POU6F2: variants seen among roughly 807,000 people sequenced by gnomAD.
POU6F2 encodes the protein POU domain, class 6, transcription factor 2.
A neutral mutation model predicts 71.3 loss-of-function variants in POU6F2; 31 were observed. The observed-to-expected ratio is 0.43, with a 90% CI of 0.33 to 0.59. The LOEUF is 0.59. POU6F2 is among the 20% of genes least tolerant of loss of function. POU6F2 has a pLI of 0.04. For synonymous variants in POU6F2, 347 were observed against 355.7 expected, an observed-to-expected ratio of 0.98 and a Z score of 0.27; for missense variants, 783 against 856.8, an observed-to-expected ratio of 0.91 and a Z score of 1.07.
chr7:39,040,847 C>G (rs1187211235), intron 1 of POU6F2, among the ~76,000 whole-genome samples: 1 of 151,858 alleles, frequency 6.6e-6, no homozygotes, highest in African/African-American at 2.4e-5. Flanking sequence ...TTTCTGTTTA[C>G]CCTTCCTGAC....
In POU6F2 at chr7:39,416,704, A is replaced by G. The variant is rs188923007; in HGVS notation, c.1113+9964A>G. Among the ~76,000 whole-genome samples the G allele has an allele frequency of 3.9e-5, 6 of 152,338 alleles. No homozygotes were observed. In the East Asian group the frequency reaches 1.2e-3, roughly 29 times the overall value. On this transcript the variant is annotated intron_variant, in intron 6 of 9. Transcript: ENST00000518318. Reference sequence around the variant, plus strand: ...GAGTCTAAGACACCACTGATTTTAAATTACACTTAAAGTCATACCAGTGAT... The same window carrying G: ...GAGTCTAAGACACCACTGATTTTAAGTTACACTTAAAGTCATACCAGTGAT...
intron 5 of POU6F2, chr7:39,373,460 T>C (rs1181633415): frequency 2.2e-6 from 1 of 456,678 alleles, no homozygotes; most frequent in Admixed American, 2.3e-5. Context: ...ATCATAAATG[T>C]TTCTTTTGCT....
intron 5 of POU6F2, among the ~76,000 whole-genome samples, chr7:39,385,652 A>G (rs995018560): frequency 1.3e-5 from 2 of 152,214 alleles, no homozygotes; most frequent in Non-Finnish European, 2.9e-5. Flanking sequence ...CTTGAGGCTT[A>G]GAGAGGCTTG....
intron 4 of POU6F2, among the ~76,000 whole-genome samples, chr7:39,310,468 T>A (rs1785141497): frequency 6.6e-6 from 1 of 152,184 alleles, no homozygotes; most frequent in Non-Finnish European, 1.5e-5. Context: ...AGACCCTCAT[T>A]TTCCCAACCA....
chr7:39,122,867 C>T (rs570335012), intron 2 of POU6F2, among the ~76,000 whole-genome samples: 1 of 151,930 alleles, frequency 6.6e-6, no homozygotes, highest in South Asian at 2.1e-4. Context: ...GCCACCATGC[C>T]CAGCTAATTT....
At chr7:39,081,783 A>G (rs1292486337) in intron 1 of POU6F2, among the ~76,000 whole-genome samples, 1 of 152,230 alleles carries the variant, frequency 6.6e-6, no homozygotes, top group African/African-American at 2.4e-5. Context: ...CACCCTTCAC[A>G]GCCACTGGCT....
At chr7:39,124,926 G>A (rs1444351110) in intron 2 of POU6F2, among the ~76,000 whole-genome samples, 2 of 152,040 alleles carry the variant, frequency 1.3e-5, no homozygotes, top group East Asian at 1.9e-4. Flanking sequence ...TGTGTGTGGA[G>A]GAAGGCCAAG....
At chr7:39,246,757 A>T (rs1330023376) in intron 4 of POU6F2, among the ~76,000 whole-genome samples, 1 of 150,574 alleles carries the variant, frequency 6.6e-6, no homozygotes, top group African/African-American at 2.5e-5. Context: ...TAAGAATCTC[A>T]TTCATGAACC....
chr7:39,134,430 G>A (rs1584560645), intron 2 of POU6F2, among the ~76,000 whole-genome samples: 1 of 152,244 alleles, frequency 6.6e-6, no homozygotes, highest in East Asian at 1.9e-4. Context: ...AACCATTGCT[G>A]TAAGATCCAC....
rs147864559 is a variant in POU6F2 at position 39,049,707 on chromosome 7, G to A, written c.106-36153G>A. The stretch of plus-strand genomic sequence containing the variant: ...CCCCTGAAGTAGAATTTTTATTTTA[G>A]TTATTGTACTTTTATCACCAGAATT... On this transcript the variant is annotated intron_variant, in intron 1 of 9. Transcript: ENST00000518318. Among the ~76,000 whole-genome samples the A allele has an allele frequency of 4.6e-3, 695 of 152,018 alleles. 4 individuals are homozygous for A. Among genetic ancestry groups the A allele is most frequent in the African/African-American group, 0.016 (657 of 41,514 alleles).
At chr7:39,357,341 G>A (rs1465409732) in intron 5 of POU6F2, among the ~76,000 whole-genome samples, 1 of 152,148 alleles carries the variant, frequency 6.6e-6, no homozygotes, top group Non-Finnish European at 1.5e-5. Context: ...ACTGTCCTAG[G>A]TGTTTTGGGT....
At chr7:39,388,488 G>T (rs1388636957) in intron 5 of POU6F2, among the ~76,000 whole-genome samples, 1 of 152,078 alleles carries the variant, frequency 6.6e-6, no homozygotes, top group Non-Finnish European at 1.5e-5. Context: ...GCTGATTTTT[G>T]TAATTTTAGT....
chr7:39,220,927 T>C (rs549341268), intron 4 of POU6F2, among the ~76,000 whole-genome samples: 18 of 152,146 alleles, frequency 1.2e-4, no homozygotes, highest in African/African-American at 4.3e-4. Context: ...AACTGAGATA[T>C]GCTGTAAGTG....
chr7:39,256,291 G>A (rs749917142), intron 4 of POU6F2, among the ~76,000 whole-genome samples: 2 of 152,166 alleles, frequency 1.3e-5, no homozygotes, highest in African/African-American at 2.4e-5. Flanking sequence ...GTGGAATCTG[G>A]TGGGGCAAAA....
chr7:39,389,143 A>G (rs1289623743), intron 5 of POU6F2, among the ~76,000 whole-genome samples: 1 of 152,228 alleles, frequency 6.6e-6, no homozygotes, highest in Admixed American at 6.5e-5. Flanking sequence ...TCAGAAATAT[A>G]CAGCAAGCCC....
chr7:39,250,347 ATT>A (rs377655426), intron 4 of POU6F2, among the ~76,000 whole-genome samples: 4 of 152,218 alleles, frequency 2.6e-5, no homozygotes, highest in African/African-American at 9.6e-5. Flanking sequence ...TGGGGATGTC[ATT>A]TCTTTTGTGT....
At chr7:39,393,599 G>A (rs963432258) in intron 5 of POU6F2, among the ~76,000 whole-genome samples, 11 of 152,038 alleles carry the variant, frequency 7.2e-5, no homozygotes, top group Admixed American at 2.0e-4. Flanking sequence ...AAGGTTCAGC[G>A]GCAGACCAAC....
chr7:39,012,565 G>A (rs1224517155), intron 1 of POU6F2, among the ~76,000 whole-genome samples: 3 of 151,954 alleles, frequency 2.0e-5, no homozygotes, highest in African/African-American at 7.2e-5. Flanking sequence ...CGTTGCTGGT[G>A]AGGAACTGTG....
chr7:39,309,495 A>G (rs887964334), intron 4 of POU6F2, among the ~76,000 whole-genome samples: 3 of 152,210 alleles, frequency 2.0e-5, no homozygotes, highest in Admixed American at 6.5e-5. Context: ...GCCGATCCCC[A>G]TGGCTGTCCA....
Sources: allele counts gnomAD v4.1 joint callset (sites outside exome capture counted in the v4.1 genomes callset), GRCh38; gene constraint gnomAD v4.1.1; transcripts MANE v1.5; gene names NCBI Gene and HGNC (gene_info 2026-07-23, HGNC 2026-07-21).